Variants in APTX observed in about 807,000 individuals in gnomAD.
The protein encoded by APTX is aprataxin.
A neutral mutation model predicts 42.3 loss-of-function variants in APTX; 33 were observed. The ratio of observed to expected loss-of-function variants is 0.78; its 90% CI spans 0.59 to 1.04. The LOEUF (loss-of-function observed/expected upper bound fraction) is 1.04, where lower values mean the gene tolerates loss of function less well. Ranked by LOEUF, APTX falls within the 50% of genes least tolerant of loss-of-function variation. The pLI is 0.00. For synonymous variants in APTX, 130 were observed against 146.7 expected (o/e 0.89, Z 0.82); for missense variants, 421 against 415.1 (o/e 1.01, Z -0.12).
chr9:33,011,702 A>G (rs1040563762), intron 1 of APTX, among the ~76,000 whole-genome samples: 5 of 152,244 alleles, frequency 3.3e-5, no homozygotes, highest in Non-Finnish European at 7.3e-5. Context: ...CAAACACTTA[A>G]GAGTGCCTTC....
At chr9:33,001,538 C>T in intron 1 of APTX, 29 bp downstream of exon 1, 2 of 1,613,518 alleles carry the variant, frequency 1.2e-6, no homozygotes, top group Non-Finnish European at 1.7e-6. Flanking sequence ...GCCCAGCCAG[C>T]AGAAGAGATA....
chr9:33,003,536 G>A (rs759014167), upstream of APTX, among the ~76,000 whole-genome samples: 6 of 152,096 alleles, frequency 3.9e-5, no homozygotes, highest in Non-Finnish European at 8.8e-5. Flanking sequence ...GGAGGCTGAA[G>A]CAGAAGAATT....
Position 32,997,932 on chromosome 9 carries a change from T to C in APTX, c.-5+3635A>G, listed in dbSNP as rs531216526. On this transcript the variant is annotated intron_variant, in intron 1 of 7. Transcript: ENST00000379817. ...ACCATCTGGGGGTGGAGGGGAGTAA[T>C]GTGAAGAAAAGATATGGGGGAACAG... Among the ~76,000 whole-genome samples the C allele has an allele frequency of 1.3e-4, 20 of 152,046 alleles. No homozygotes were observed. In the East Asian group the frequency reaches 1.7e-3, roughly 13 times the overall value.
intron 1 of APTX, among the ~76,000 whole-genome samples, chr9:33,015,254 T>G (rs905961784): frequency 6.6e-6 from 1 of 152,256 alleles, no homozygotes; most frequent in Non-Finnish European, 1.5e-5. Flanking sequence ...AATGCTATGA[T>G]GGAAGTGTGT....
At chr9:32,989,664 T>C (rs766741716) in intron 2 of APTX, 95 bp downstream of exon 2, 17 of 1,588,650 alleles carry the variant, frequency 1.1e-5, no homozygotes, top group East Asian at 2.2e-5. Context: ...TGGCAGACAA[T>C]AGATTTTCCA....
chr9:32,989,926 A>C, intron 1 of APTX, 31 bp from the exon 2 acceptor site: 1 of 1,605,444 alleles, frequency 6.2e-7, no homozygotes, highest in Non-Finnish European at 8.5e-7. Context: ...ATCACTAGAA[A>C]AACAGATCCA....
rs759930657 is a variant in APTX at position 32,973,369 on chromosome 9, G to T, written c.*129C>A. 5 of 1,115,312 alleles carry T rather than the reference G, an allele frequency of 4.5e-6. No homozygotes were observed. Among genetic ancestry groups the T allele is most frequent in the Non-Finnish European group, 6.7e-6 (5 of 742,656 alleles). 69.1% of individuals were successfully genotyped at this position (1,115,312 alleles called of 1,614,324 possible). A position where few individuals can be genotyped will look rare whatever the true frequency, so the allele number is the denominator to read the frequency against. On this transcript the variant is annotated 3_prime_UTR_variant, in exon 8 of 8. Transcript: ENST00000379817. ...TCTACATTGTGGCCACTCAATAATA[G>T]AATAAATTTGTGAAAAAGCTGCATG...
At chr9:33,004,807 A>ATTT (rs200119506), upstream of APTX, among the ~76,000 whole-genome samples, 3 of 140,018 alleles carry the variant, frequency 2.1e-5, no homozygotes, top group African/African-American at 8.0e-5. Context: ...TAATTTTTGT[A>ATTT]TTTTTTTTTT....
intron 1 of APTX, among the ~76,000 whole-genome samples, chr9:32,999,573 T>G (rs1427289719): frequency 1.3e-5 from 2 of 152,180 alleles, no homozygotes; most frequent in East Asian, 1.9e-4. Context: ...ATTCATCCTC[T>G]GAGACAAAAG....
At chr9:33,010,228 C>G (rs17226811) in intron 1 of APTX, among the ~76,000 whole-genome samples, 10,732 of 152,222 alleles carry the variant, frequency 0.071, 515 homozygotes, top group Non-Finnish European at 0.11. Flanking sequence ...TACTAGTCAA[C>G]TGGGAGAGAC....
intron 6 of APTX, among the ~76,000 whole-genome samples, chr9:32,977,610 C>A (rs1473027430): frequency 6.6e-6 from 1 of 152,122 alleles, no homozygotes; most frequent in Non-Finnish European, 1.5e-5. Flanking sequence ...GCAGGTGGAT[C>A]ATTTGAGGCC....
intron 5 of APTX, among the ~76,000 whole-genome samples, 159 bp downstream of exon 5, chr9:32,985,812 T>C (rs1036289227): frequency 1.3e-5 from 2 of 152,298 alleles, no homozygotes; most frequent in East Asian, 1.9e-4. Flanking sequence ...TGCTACTTTA[T>C]TGCCAATGTG....
intron 1 of APTX, among the ~76,000 whole-genome samples, chr9:33,015,665 CTT>C (rs1837847340): frequency 6.6e-6 from 1 of 152,106 alleles, no homozygotes. Flanking sequence ...CCTGTATTTT[CTT>C]TTGTTCTGTG....
At chr9:33,002,765 C>A (rs1587618998), upstream of APTX, among the ~76,000 whole-genome samples, 1 of 152,168 alleles carries the variant, frequency 6.6e-6, no homozygotes, top group East Asian at 1.9e-4. Context: ...ATTGAATAAT[C>A]TTTTCTTTAA....
rs898444001 is a variant in APTX, at chr9:33,024,862, G to GA, written c.-5+160_-5+161insT. 4 of 13,458 alleles carry GA rather than the reference G, an allele frequency of 3.0e-4. 1 individual carries two copies. Among genetic ancestry groups the GA allele is most frequent in the Non-Finnish European group, 7.1e-4 (4 of 5,604 alleles). 0.8% of individuals were successfully genotyped at this position (13,458 alleles called of 1,614,324 possible). A position where few individuals can be genotyped will look rare whatever the true frequency, so the allele number is the denominator to read the frequency against. ...AAAAAGAGAAGAGGCGCCCGTAAGA[G>GA]GGGGGGGGGGGGGGGCAAGACTGTT... On this transcript the variant is annotated intron_variant, in intron 1 of 6. Transcript: ENST00000436040.
chr9:33,016,027 T>C (rs1333256479), intron 1 of APTX: 1 of 152,228 alleles, frequency 6.6e-6, no homozygotes, highest in Non-Finnish European at 1.5e-5. Context: ...CAAAATGTTA[T>C]CAACTGAATT....
At chr9:33,004,226 T>A (rs565688121), upstream of APTX, among the ~76,000 whole-genome samples, 2 of 152,224 alleles carry the variant, frequency 1.3e-5, no homozygotes, top group African/African-American at 4.8e-5. Context: ...GCTTTGGGTA[T>A]GTAAAGGCAT....
At chr9:33,003,398 C>G (rs1836864649), upstream of APTX, among the ~76,000 whole-genome samples, 1 of 152,104 alleles carries the variant, frequency 6.6e-6, no homozygotes, top group East Asian at 1.9e-4. Flanking sequence ...AACTGAAACT[C>G]GGCCAGGCAC....
At chr9:33,019,159 C>A (rs1838156628) in intron 1 of APTX, among the ~76,000 whole-genome samples, 1 of 152,108 alleles carries the variant, frequency 6.6e-6, no homozygotes, top group Non-Finnish European at 1.5e-5. Context: ...TGCGGAATAA[C>A]AGGAACTCTA....
Sources: gnomAD v4.1 joint callset for allele counts (sites outside exome capture counted in the v4.1 genomes callset) on GRCh38, gnomAD v4.1.1 for gene constraint, MANE v1.5 for transcripts, NCBI Gene and HGNC (gene_info 2026-07-23, HGNC 2026-07-21) for gene names.